Variants in GRB14 observed in about 807,000 individuals in gnomAD.
GRB14 encodes growth factor receptor bound protein 14, also known as growth factor receptor-bound protein 14.
GRB14 carries 38 observed loss-of-function variants against 69.1 expected under a neutral mutation model. That is an observed-to-expected ratio of 0.55 (90% CI 0.42 to 0.72). The LOEUF (loss-of-function observed/expected upper bound fraction) is 0.72, where lower values mean the gene tolerates loss of function less well. GRB14 is among the 30% of genes least tolerant of loss of function. The pLI is 0.00. For missense variants in GRB14, 666 were observed against 666.1 expected (o/e 1.00, Z 0.00); for synonymous variants, 247 against 241.3 (o/e 1.02, Z -0.22).
chr2:164,539,264 C>T (rs942341296), intron 3 of GRB14, among the ~76,000 whole-genome samples: 1 of 152,034 alleles, frequency 6.6e-6, no homozygotes, highest in African/African-American at 2.4e-5. Flanking sequence ...CACTTGAGGT[C>T]AGGAGTTCAA....
intron 13 of GRB14, among the ~76,000 whole-genome samples, chr2:164,493,401 A>G (rs1239932474): frequency 6.6e-6 from 1 of 151,628 alleles, no homozygotes; most frequent in African/African-American, 2.4e-5. Flanking sequence ...ACTCTACTTC[A>G]TCTAGTTCTA....
chr2:164,591,764 A>G (rs1192937499), intron 2 of GRB14, among the ~76,000 whole-genome samples: 1 of 152,040 alleles, frequency 6.6e-6, no homozygotes, highest in African/African-American at 2.4e-5. Context: ...GGTAAACTTG[A>G]CCCAGAGCCT....
intron 2 of GRB14, among the ~76,000 whole-genome samples, chr2:164,574,398 T>A (rs1689197509): frequency 6.6e-6 from 1 of 151,902 alleles, no homozygotes; most frequent in Admixed American, 6.6e-5. Context: ...TGCACTACCA[T>A]GCCCAGCTAA....
chr2:164,515,865 A>G (rs1037185694), intron 6 of GRB14, among the ~76,000 whole-genome samples: 3 of 151,688 alleles, frequency 2.0e-5, no homozygotes, highest in Non-Finnish European at 4.4e-5. Context: ...AATAGATAGC[A>G]TGAATAAAAA....
intron 2 of GRB14, among the ~76,000 whole-genome samples, chr2:164,595,961 TA>T (rs1217235646): frequency 3.3e-5 from 5 of 152,154 alleles, no homozygotes; most frequent in Non-Finnish European, 4.4e-5. Context: ...CTGTCTCTAC[TA>T]AAAATACAAA....
At chr2:164,571,806 T>C (rs1441274827) in intron 2 of GRB14, among the ~76,000 whole-genome samples, 1 of 152,198 alleles carries the variant, frequency 6.6e-6, no homozygotes, top group Non-Finnish European at 1.5e-5. Context: ...CCATAGCCAC[T>C]AAGCCAGGGA....
chr2:164,568,469 G>C (rs1211607619), intron 2 of GRB14: 11 of 1,174,340 alleles, frequency 9.4e-6, no homozygotes, highest in Non-Finnish European at 1.2e-5. Flanking sequence ...TCAGGGCTCA[G>C]TGCAATGAAA....
At chr2:164,529,883 G>C (rs549077956) in intron 3 of GRB14, among the ~76,000 whole-genome samples, 1 of 152,160 alleles carries the variant, frequency 6.6e-6, no homozygotes, top group Non-Finnish European at 1.5e-5. Flanking sequence ...TTATAACTTA[G>C]TCATTTGTTC....
intron 2 of GRB14, among the ~76,000 whole-genome samples, chr2:164,596,292 T>A (rs1404873420): frequency 3.9e-5 from 6 of 152,166 alleles, no homozygotes; most frequent in African/African-American, 1.4e-4. Context: ...ACTTTTTAAA[T>A]ACGTAACAGA....
chr2:164,532,961 G>A (rs1393032216), intron 3 of GRB14, among the ~76,000 whole-genome samples: 2 of 152,074 alleles, frequency 1.3e-5, no homozygotes, highest in African/African-American at 4.8e-5. Context: ...CTGTGAGGGA[G>A]CTGGATGGTA....
chr2:164,558,494 A>G (rs1464119037), intron 2 of GRB14, among the ~76,000 whole-genome samples: 1 of 152,152 alleles, frequency 6.6e-6, no homozygotes, highest in Non-Finnish European at 1.5e-5. Context: ...CAAATCACAA[A>G]TCCCACACTA....
chr2:164,514,832 T>A (rs1460135443), intron 6 of GRB14, among the ~76,000 whole-genome samples: 2 of 152,144 alleles, frequency 1.3e-5, no homozygotes, highest in African/African-American at 2.4e-5. Flanking sequence ...TCAGCCCTGT[T>A]CACCTGCTGC....
chr2:164,616,318 C>T (rs559089680), intron 2 of GRB14, among the ~76,000 whole-genome samples: 2 of 148,756 alleles, frequency 1.3e-5, no homozygotes, highest in East Asian at 2.0e-4. Flanking sequence ...CCCAGCTACT[C>T]GGGAGGCTGA....
At chr2:164,521,419 T>C (rs1404775177) in intron 6 of GRB14, among the ~76,000 whole-genome samples, 1 of 152,074 alleles carries the variant, frequency 6.6e-6, no homozygotes, top group Non-Finnish European at 1.5e-5. Flanking sequence ...GAGTGTATTC[T>C]GCCTGTTGAT....
intron 2 of GRB14, chr2:164,574,145 C>G (rs1689188101): frequency 1.6e-6 from 1 of 638,788 alleles, no homozygotes; most frequent in African/African-American, 1.8e-5. Flanking sequence ...GACATAGAGT[C>G]AGTCTTTACA....
At chr2:164,583,819 T>C (rs1238893713) in intron 2 of GRB14, among the ~76,000 whole-genome samples, 1 of 152,212 alleles carries the variant, frequency 6.6e-6, no homozygotes. Context: ...ATTTTCTGAC[T>C]GTAAACATTG....
At chr2:164,516,747 A>G (rs774739308) in intron 6 of GRB14, among the ~76,000 whole-genome samples, 39 of 152,180 alleles carry the variant, frequency 2.6e-4, no homozygotes, top group Non-Finnish European at 3.8e-4. Context: ...ATACACCAAA[A>G]TAGAACCTCT....
intron 2 of GRB14, among the ~76,000 whole-genome samples, chr2:164,601,039 T>G (rs1312536038): frequency 6.6e-6 from 1 of 152,112 alleles, no homozygotes; most frequent in Non-Finnish European, 1.5e-5. Context: ...TGTCCAATTG[T>G]TCTCTAGGCC....
rs1262774390 is a variant in GRB14, at chr2:164,547,640, C to T, written c.481+20G>A. ...GAAATAGAAAAGCAATGATGTGAGA[C>T]AATAACTCCGTATCCTTACCTACAC... On this transcript the variant is annotated intron_variant, in intron 3 of 13. Coordinates refer to ENST00000263915, the MANE Select transcript of GRB14 (RefSeq NM_004490.3). 1 of 1,594,238 alleles carries T rather than the reference C, an allele frequency of 6.3e-7. No homozygotes were observed. Among genetic ancestry groups the T allele is most frequent in the East Asian group, 2.2e-5 (1 of 44,482 alleles).
Sources: allele counts gnomAD v4.1 joint callset (sites outside exome capture counted in the v4.1 genomes callset), GRCh38; gene constraint gnomAD v4.1.1; transcripts MANE v1.5; gene names NCBI Gene and HGNC (gene_info 2026-07-23, HGNC 2026-07-21).